MMP10: variants seen among roughly 807,000 people sequenced by gnomAD.
The protein encoded by MMP10 is stromelysin-2.
Under a neutral mutation model 49.1 loss-of-function variants are expected in MMP10, and 50 were observed. The ratio of observed to expected loss-of-function variants is 1.02; its 90% CI spans 0.81 to 1.29. The LOEUF is 1.29. Among genes scored for constraint, MMP10 ranks in the 50% most tolerant of loss-of-function variants. MMP10 has a pLI of 0.00. For synonymous variants in MMP10, 229 were observed against 201.6 expected, an observed-to-expected ratio of 1.14 and a Z score of -1.15; for missense variants, 613 against 563.8, an observed-to-expected ratio of 1.09 and a Z score of -0.88.
rs1419266044 is a variant in MMP10 at position 102,779,194 on chromosome 11, G to A, written c.496+19C>T. 1.2e-6 allele frequency: 2 copies of A among 1,611,606 alleles called. No homozygotes were observed. The highest frequency in any genetic ancestry group is 8.5e-7 in the Non-Finnish European group (1 of 1,179,708). ...GAACAGATGAATACACCAGATAAAT[G>A]GATGCTTTATTTGATTACCTTTAAC... On this transcript the variant is annotated intron_variant, in intron 3 of 9. Coordinates refer to ENST00000279441, the MANE Select transcript of MMP10 (RefSeq NM_002425.3).
intron 6 of MMP10, 37 bp downstream of exon 6, chr11:102,776,243 A>G (rs780814989): frequency 6.3e-7 from 1 of 1,582,876 alleles, no homozygotes. Flanking sequence ...CTGTACATCA[A>G]AAGAATAGAT....
At position 102,779,671 on chromosome 11, in the gene MMP10, A is replaced by G. The variant is rs377224881; in HGVS notation, c.180T>C (p.Val60=). The G allele has an allele frequency of 2.5e-5, 40 of 1,613,966 alleles. No individual in the cohort carries two copies. The East Asian group carries it at 6.7e-4, about 27-fold the overall frequency. Residue 60 remains valine (V), a synonymous_variant, in exon 2 of 10, where the codon GTT becomes GTC. Coordinates refer to ENST00000279441, the MANE Select transcript of MMP10 (RefSeq NM_002425.3). ...ACTTCTGCATTCCTTGGATTTTTTTAACAATGAGATTACTGTCCTTTCTTC... is the reference window on the plus strand; with the variant it reads ...ACTTCTGCATTCCTTGGATTTTTTTGACAATGAGATTACTGTCCTTTCTTC... ...QFRRKDSNLI[V]KKIQGMQKFL... is the part of the protein sequence containing the mutation.
chr11:102,780,516 C>G lies in MMP10; in HGVS notation c.76G>C (p.Glu26Gln). 1 of 1,614,012 alleles carries G rather than the reference C, an allele frequency of 6.2e-7. No individual in the cohort carries two copies. Among genetic ancestry groups the G allele is most frequent in the Non-Finnish European group, 8.5e-7 (1 of 1,179,950 alleles). Residue 26 changes from glutamate (E) to glutamine (Q), a missense_variant, in exon 1 of 10, where the codon GAG becomes CAG. Glu to Gln is a conservative substitution (Grantham distance 29, BLOSUM62 2). Transcript: ENST00000279441. ...SAYPLSGAAK[E>Q]EDSNKDLAQQ... The stretch of plus-strand genomic sequence containing the variant: ...GCAAGATCCTTGTTGGAGTCCTCCT[C>G]TTTTGCTGCCCCACTCAGAGGATAG...
intron 4 of MMP10, 83 bp downstream of exon 4, chr11:102,778,541 A>G (rs796224299): frequency 6.5e-7 from 1 of 1,538,048 alleles, no homozygotes. Context: ...TATTCGATTT[A>G]TTGCTCGTTC....
At chr11:102,771,972 T>G in intron 9 of MMP10, 40 bp downstream of exon 9, 2 of 1,129,980 alleles carry the variant, frequency 1.8e-6, no homozygotes, top group Non-Finnish European at 2.5e-6. Flanking sequence ...TAAAAATGCC[T>G]GGAGATTCCT....
Position 102,779,609 on chromosome 11 carries a change from T to C in MMP10, c.242A>G (p.Asp81Gly). Reference sequence around the variant, plus strand: ...GGGCTTGCGCATCACCTCCAGAGTGTCAGTGTCTAGCTTCCCTGTCACCTC... The same window carrying C: ...GGGCTTGCGCATCACCTCCAGAGTGCCAGTGTCTAGCTTCCCTGTCACCTC... ...GLEVTGKLDTDTLEVMRKPRC... is the reference protein window; with the variant it reads ...GLEVTGKLDTGTLEVMRKPRC... The change falls in exon 2 of 10, where the codon GAC becomes GGC. Residue 81 changes from aspartate to glycine, a missense_variant. Asp to Gly is a moderately conservative substitution (Grantham distance 94). Transcript: ENST00000279441. 6.2e-7 allele frequency: 1 copy of C among 1,614,060 alleles called. No homozygotes were observed. The highest frequency in any genetic ancestry group is 8.5e-7 in the Non-Finnish European group (1 of 1,180,016).
intron 2 of MMP10, 51 bp from the exon 3 acceptor site, chr11:102,779,412 A>G (rs747523613): frequency 1.2e-6 from 2 of 1,608,864 alleles, no homozygotes; most frequent in East Asian, 4.5e-5. Flanking sequence ...CTTTATGAAA[A>G]ATTGTTAAAG....
At position 102,775,196 on chromosome 11, in the gene MMP10, A is replaced by G. The variant is rs756810419; in HGVS notation, c.1058T>C (p.Ile353Thr). The change falls in exon 7 of 10, where the codon ATT becomes ACT. Residue 353 changes from isoleucine (I) to threonine (T), a missense_variant. Transcript: ENST00000279441. ...TCTTATATAGTACTCACCTTTAAAA[A>G]TAAAAACGGTGTCCCTGCTGTTAAC... ...YEVNSRDTVF[I>T]FKGNEFWAIR... 7 of 1,591,852 alleles carry G rather than the reference A, an allele frequency of 4.4e-6. No homozygotes were observed. The South Asian group carries it at 7.1e-5, about 16-fold the overall frequency.
chr11:102,772,201 G>T lies in MMP10; in HGVS notation c.1227-86C>A. Reference sequence around the variant, plus strand: ...TATAATGTGATGTTAATTTTCCAGTGTGGAATCCTAGACAAACTTTTTAAG... The same window carrying T: ...TATAATGTGATGTTAATTTTCCAGTTTGGAATCCTAGACAAACTTTTTAAG... On this transcript the variant is annotated intron_variant, in intron 8 of 9. Coordinates refer to ENST00000279441, the MANE Select transcript of MMP10 (RefSeq NM_002425.3). The surrounding 1 kb of genome is among the most constrained non-coding windows in gnomAD (Gnocchi z 4.4). The T allele has an allele frequency of 1.2e-6, 1 of 842,034 alleles. No individual in the cohort carries two copies. Among genetic ancestry groups the T allele is most frequent in the Non-Finnish European group, 1.8e-6 (1 of 543,274 alleles). 52.2% of individuals were successfully genotyped at this position (842,034 alleles called of 1,614,324 possible). A position where few individuals can be genotyped will look rare whatever the true frequency, so the allele number is the denominator to read the frequency against.
At chr11:102,778,793 C>G (rs773296152) in intron 3 of MMP10, 44 bp from the exon 4 acceptor site, 1 of 1,606,744 alleles carries the variant, frequency 6.2e-7, no homozygotes, top group Non-Finnish European at 8.5e-7. Context: ...TTCAGAATTT[C>G]TTTTTACCCT....
intron 7 of MMP10, among the ~76,000 whole-genome samples, chr11:102,773,952 A>G (rs1445001122): frequency 1.3e-5 from 2 of 152,244 alleles, no homozygotes; most frequent in Non-Finnish European, 2.9e-5. Flanking sequence ...TGATATGTAA[A>G]TGTGAGATAC....
intron 6 of MMP10, among the ~76,000 whole-genome samples, chr11:102,775,814 C>T (rs1591703715): frequency 1.3e-5 from 2 of 151,822 alleles, no homozygotes; most frequent in South Asian, 4.2e-4. Context: ...AAGATACCAC[C>T]CTGCTTCTAA....
chr11:102,777,353 C>G (rs1157607781), intron 4 of MMP10, among the ~76,000 whole-genome samples: 1 of 151,376 alleles, frequency 6.6e-6, no homozygotes, highest in African/African-American at 2.4e-5. Flanking sequence ...GAGTATGTGT[C>G]CAAGCGATTC....
At position 102,778,658 on chromosome 11, in the gene MMP10, A is replaced by G; in HGVS notation, c.588T>C (p.Phe196=). 6 of 1,613,996 alleles carry G rather than the reference A, an allele frequency of 3.7e-6. No homozygotes were observed. Among genetic ancestry groups the G allele is most frequent in the Non-Finnish European group, 5.1e-6 (6 of 1,179,952 alleles). ...PGPGLYGDIH[F]DDDEKWTEDA... ...CTTCTGTCCATTTTTCATCATCATC[A>G]AAGTGAATATCTCCATAAAGCCCAG... Residue 196 remains phenylalanine, a synonymous_variant, in exon 4 of 10, where the codon TTT becomes TTC. Transcript: ENST00000279441.
intron 4 of MMP10, among the ~76,000 whole-genome samples, chr11:102,777,075 A>AT (rs72075875): frequency 6.6e-5 from 10 of 151,886 alleles, no homozygotes; most frequent in African/African-American, 2.2e-4. Flanking sequence ...TTTTCAAAAG[A>AT]TTTTTTTTTG....
In MMP10 at chr11:102,779,698, A is replaced by C. The variant is rs201260782; in HGVS notation, c.153T>G (p.Phe51Leu). Reference protein sequence around the residue: ...YYNLEKDVKQFRRKDSNLIVK... With the variant: ...YYNLEKDVKQLRRKDSNLIVK... The stretch of plus-strand genomic sequence containing the variant: ...CAATGAGATTACTGTCCTTTCTTCT[A>C]AACTGTTTCACATCCTTTTCGAGGT... The change falls in exon 2 of 10, where the codon TTT becomes TTG. Residue 51 changes from phenylalanine to leucine, a missense_variant. Phe to Leu is a conservative substitution (Grantham distance 22, BLOSUM62 0). Coordinates refer to ENST00000279441, the MANE Select transcript of MMP10 (RefSeq NM_002425.3). 3 of 1,614,016 alleles carry C rather than the reference A, an allele frequency of 1.9e-6. No homozygotes were observed. The highest frequency in any genetic ancestry group is 2.2e-5 in the East Asian group (1 of 44,888).
At chr11:102,774,127 G>A (rs1326684366) in intron 7 of MMP10, among the ~76,000 whole-genome samples, 1 of 151,772 alleles carries the variant, frequency 6.6e-6, no homozygotes, top group African/African-American at 2.4e-5. Context: ...TATGAGTCTA[G>A]GGAAAAAATA....
At chr11:102,780,049 C>A (rs1405278950) in intron 1 of MMP10, among the ~76,000 whole-genome samples, 1 of 152,174 alleles carries the variant, frequency 6.6e-6, no homozygotes, top group African/African-American at 2.4e-5. Flanking sequence ...TTTCTACTTA[C>A]ATTGTTATTA....
chr11:102,775,228 T>C lies in MMP10; in HGVS notation c.1026A>G (p.Ala342=), dbSNP rs41319748. The change falls in exon 7 of 10, where the codon GCA becomes GCG. Residue 342 remains alanine (A), a synonymous_variant. Coordinates refer to ENST00000279441, the MANE Select transcript of MMP10 (RefSeq NM_002425.3). ...WPSLPSYLDA[A]YEVNSRDTVF... is the part of the protein sequence containing the mutation. The stretch of plus-strand genomic sequence containing the variant: ...CGGTGTCCCTGCTGTTAACTTCATA[T>C]GCAGCATCCAAATATGATGGAAGAG... The C allele has an allele frequency of 1.2e-5, 19 of 1,609,200 alleles. No individual in the cohort carries two copies. The Admixed American group carries it at 3.2e-4, about 27-fold the overall frequency.
Sources: gnomAD v4.1 joint callset for allele counts (sites outside exome capture counted in the v4.1 genomes callset) on GRCh38, gnomAD v4.1.1 for gene constraint, Gnocchi (gnomAD v3.1) non-coding constraint, MANE v1.5 for transcripts, NCBI Gene and HGNC (gene_info 2026-07-23, HGNC 2026-07-21) for gene names.